The following FNBP1 variants were observed in gnomAD, a reference collection of about 807,000 sequenced individuals.
FNBP1 encodes the protein formin-binding protein 1.
In FNBP1, 26 loss-of-function variants were observed where a neutral mutation model predicts 90.6. That is an observed-to-expected ratio of 0.29 (90% CI 0.21 to 0.40). The LOEUF is 0.40. Ranked by LOEUF, FNBP1 falls within the 10% of genes least tolerant of loss-of-function variation. The probability of loss-of-function intolerance (pLI) is 1.00; values close to 1 mark genes in which losing one functional copy is unlikely to be tolerated. For synonymous variants in FNBP1, 260 were observed against 265.2 expected (o/e 0.98, Z 0.19); for missense variants, 635 against 768.0 (o/e 0.83, Z 2.05).
At chr9:129,934,289 A>G (rs778027661) in intron 6 of FNBP1, among the ~76,000 whole-genome samples, 1 of 152,218 alleles carries the variant, frequency 6.6e-6, no homozygotes, top group Non-Finnish European at 1.5e-5. Flanking sequence ...TGCATCTTAC[A>G]GCAATATTAC....
intron 6 of FNBP1, among the ~76,000 whole-genome samples, chr9:129,948,490 G>A (rs1431689037): frequency 1.4e-5 from 2 of 147,228 alleles, no homozygotes; most frequent in Admixed American, 1.4e-4. Context: ...TCCGCCTCCT[G>A]AGTAAGTGGG....
intron 7 of FNBP1, 51 bp from the exon 8 acceptor site, chr9:129,927,392 A>G (rs4837429): frequency 1 from 1,570,042 of 1,570,482 alleles, 784,804 homozygotes; most frequent in East Asian, 1. Flanking sequence ...ATTATTAAAC[A>G]AAGTTGTTTT....
intron 6 of FNBP1, among the ~76,000 whole-genome samples, chr9:129,940,199 C>T (rs899742460): frequency 6.6e-6 from 1 of 151,818 alleles, no homozygotes; most frequent in Non-Finnish European, 1.5e-5. Context: ...AGAATAAGAC[C>T]CTCTCTCAAA....
chr9:129,895,953 C>G lies in FNBP1; in HGVS notation c.1731G>C (p.Leu577Phe). ...CGCCTTTGTCTTCCTCTATGACATACAATGTTTCTCCTTCAACTACGGAAA... is the reference window on the plus strand; with the variant it reads ...CGCCTTTGTCTTCCTCTATGACATAGAATGTTTCTCCTTCAACTACGGAAA... ...GTISVVEGET[L>F]YVIEEDKGDG... The change falls in exon 16 of 17, where the codon TTG becomes TTC. Residue 577 changes from leucine (L) to phenylalanine (F), a missense_variant. Physicochemically the swap from Leu to Phe is conservative, Grantham distance 22. Coordinates refer to ENST00000446176, the MANE Select transcript of FNBP1 (RefSeq NM_015033.3). 1 of 1,612,050 alleles carries G rather than the reference C, an allele frequency of 6.2e-7. No individual in the cohort carries two copies.
Position 129,931,994 on chromosome 9 carries a change from C to T in FNBP1, c.514-2299G>A, listed in dbSNP as rs111913597. ...TTGGGAGGCTGAGGCGGGTGGATGA[C>T]GAGGTCAAGAGATTGAGACCATCCT... is the stretch of plus-strand genomic sequence containing the variant. On this transcript the variant is annotated intron_variant, in intron 6 of 16. Transcript: ENST00000446176. Among the ~76,000 whole-genome samples the T allele has an allele frequency of 2.5e-3, 377 of 151,920 alleles. 2 individuals carry two copies. The highest frequency in any genetic ancestry group is 7.1e-3 in the African/African-American group (293 of 41,434).
At position 130,042,629 on chromosome 9, in the gene FNBP1, C is replaced by T. The variant is rs2059932109; in HGVS notation, c.24+323G>A. Among the ~76,000 whole-genome samples the T allele has an allele frequency of 6.6e-6, 1 of 151,662 alleles. No individual in the cohort carries two copies. The highest frequency in any genetic ancestry group is 2.4e-5 in the African/African-American group (1 of 41,366). On this transcript the variant is annotated intron_variant, in intron 1 of 16. Coordinates refer to ENST00000446176, the MANE Select transcript of FNBP1 (RefSeq NM_015033.3). The surrounding 1 kb of genome is among the most constrained non-coding windows in gnomAD (Gnocchi z 5.5). ...CGGCCCTCCCCGGGCATCCGCGGCT[C>T]GCCCCGGGGGATTAGGGCTCGGCCC...
chr9:130,045,321 C>A (rs574642796), upstream of FNBP1, among the ~76,000 whole-genome samples: 1 of 152,174 alleles, frequency 6.6e-6, no homozygotes, highest in Non-Finnish European at 1.5e-5. Context: ...AATTTGGAAA[C>A]GGTACATGCA....
intron 5 of FNBP1, among the ~76,000 whole-genome samples, chr9:129,958,054 T>C (rs910053385): frequency 6.6e-6 from 1 of 152,240 alleles, no homozygotes; most frequent in Non-Finnish European, 1.5e-5. Flanking sequence ...TCTATAAAGA[T>C]GTTTCATTAG....
At chr9:129,902,242 G>A (rs765137510) in intron 13 of FNBP1, among the ~76,000 whole-genome samples, 9 of 151,954 alleles carry the variant, frequency 5.9e-5, no homozygotes, top group South Asian at 2.1e-4. Context: ...ATAACGGATC[G>A]CTCTATACTC....
At position 129,888,497 on chromosome 9, in the gene FNBP1, T is replaced by C. The variant is rs915544406; in HGVS notation, c.*2042A>G. 2.6e-5 allele frequency: 6 copies of C among 232,738 alleles called. No individual in the cohort carries two copies. Among genetic ancestry groups the C allele is most frequent in the African/African-American group, 1.1e-4 (5 of 45,302 alleles). 14.4% of individuals were successfully genotyped at this position (232,738 alleles called of 1,614,324 possible). A position where few individuals can be genotyped will look rare whatever the true frequency, so the allele number is the denominator to read the frequency against. On this transcript the variant is annotated 3_prime_UTR_variant, in exon 17 of 17. Transcript: ENST00000446176. ...ACCCTGTGTCATCCGGGCTTGTCTT[T>C]CGTCTGTCAAGTCAGTCCTCCTGCG...
At chr9:130,053,131 C>T in the FNBP1 span, among the ~76,000 whole-genome samples, 1 of 151,922 alleles carries the variant, frequency 6.6e-6, no homozygotes, top group Non-Finnish European at 1.5e-5. Flanking sequence ...AAAAGAAGTT[C>T]CTATAATTTC....
chr9:129,895,432 T>G lies in FNBP1; in HGVS notation c.1846+406A>C, dbSNP rs774318471. ...ATGTAGCTCAGTGTATGGTGGATAC[T>G]AGATATAAACAAGAGTAGGGAAGTC... On this transcript the variant is annotated intron_variant, in intron 16 of 16. Coordinates refer to ENST00000446176, the MANE Select transcript of FNBP1 (RefSeq NM_015033.3). The G allele has an allele frequency of 2.7e-6, 3 of 1,108,918 alleles. No individual in the cohort carries two copies. In the African/African-American group the frequency reaches 4.8e-5, roughly 18 times the overall value. 68.7% of individuals were successfully genotyped at this position (1,108,918 alleles called of 1,614,324 possible).
At position 130,042,942 on chromosome 9, in the gene FNBP1, C is replaced by G; in HGVS notation, c.24+10G>C. 1.6e-6 allele frequency: 2 copies of G among 1,229,820 alleles called. No individual in the cohort carries two copies. Among genetic ancestry groups the G allele is most frequent in the Non-Finnish European group, 2.0e-6 (2 of 986,226 alleles). 76.2% of individuals were successfully genotyped at this position (1,229,820 alleles called of 1,614,324 possible). On this transcript the variant is annotated intron_variant, in intron 1 of 16. Coordinates refer to ENST00000446176, the MANE Select transcript of FNBP1 (RefSeq NM_015033.3). The surrounding 1 kb of genome is among the most constrained non-coding windows in gnomAD (Gnocchi z 5.5). The stretch of plus-strand genomic sequence containing the variant: ...CCCGCATCTGCCCGCGGGCCCAGCC[C>G]CTCACTCACCCAGAGCTCGGTGCCC...
upstream of FNBP1, among the ~76,000 whole-genome samples, chr9:130,046,160 AT>A (rs2060058666): frequency 1.3e-5 from 2 of 152,088 alleles, no homozygotes; most frequent in African/African-American, 4.8e-5. Context: ...ATGTCTTTTT[AT>A]ATACTAATGA....
At chr9:129,978,217 C>T (rs1274391191) in intron 4 of FNBP1, 3 of 293,194 alleles carry the variant, frequency 1.0e-5, no homozygotes, top group Middle Eastern at 1.0e-3. Flanking sequence ...GATGGGGTTT[C>T]GCCATGTTGG....
At chr9:130,034,029 AAAGTT>A in intron 1 of FNBP1, among the ~76,000 whole-genome samples, 1 of 144,728 alleles carries the variant, frequency 6.9e-6, no homozygotes, top group African/African-American at 2.6e-5. Context: ...AAAAAAAAAA[AAAGTT>A]AGACAGGCCA....
At chr9:129,938,185 A>G (rs1354634010) in intron 6 of FNBP1, among the ~76,000 whole-genome samples, 2 of 152,136 alleles carry the variant, frequency 1.3e-5, no homozygotes, top group Admixed American at 1.3e-4. Context: ...AAATTAATTA[A>G]TTTTTTAAAA....
chr9:129,903,253 C>T (rs952095150), intron 12 of FNBP1, among the ~76,000 whole-genome samples: 5 of 152,056 alleles, frequency 3.3e-5, no homozygotes, highest in Admixed American at 6.6e-5. Flanking sequence ...GGTTTTGCCA[C>T]GTTGGCCAGG....
At chr9:129,985,999 G>T (rs2052149359) in intron 2 of FNBP1, among the ~76,000 whole-genome samples, 1 of 150,528 alleles carries the variant, frequency 6.6e-6, no homozygotes, top group South Asian at 2.1e-4. Context: ...CGCCAGGTGT[G>T]GTGGTGTGTG....
Sources: gnomAD v4.1 joint callset for allele counts (sites outside exome capture counted in the v4.1 genomes callset) on GRCh38, gnomAD v4.1.1 for gene constraint, Gnocchi (gnomAD v3.1) non-coding constraint, MANE v1.5 for transcripts, NCBI Gene and HGNC (gene_info 2026-07-23, HGNC 2026-07-21) for gene names.